SIPA1L1: variants seen among roughly 807,000 people sequenced by gnomAD.
The protein encoded by SIPA1L1 is signal-induced proliferation-associated 1-like protein 1.
In SIPA1L1, 26 loss-of-function variants were observed where a neutral mutation model predicts 162.7. The ratio of observed to expected loss-of-function variants is 0.16; its 90% confidence interval spans 0.12 to 0.22. The LOEUF is 0.22. Ranked by LOEUF, SIPA1L1 falls within the 10% of genes least tolerant of loss-of-function variation. SIPA1L1 has a pLI of 1.00. For synonymous variants in SIPA1L1, 829 were observed against 837.4 expected, an observed-to-expected ratio of 0.99 and a Z score of 0.17; for missense variants, 1,874 against 2,241.0, an observed-to-expected ratio of 0.84 and a Z score of 3.31.
At chr14:71,673,407 A>G (rs1435972282) in intron 12 of SIPA1L1, among the ~76,000 whole-genome samples, 1 of 152,186 alleles carries the variant, frequency 6.6e-6, no homozygotes, top group East Asian at 1.9e-4. Context: ...ATTTCTCTTA[A>G]GCTTTGGCAA....
intron 10 of SIPA1L1, among the ~76,000 whole-genome samples, chr14:71,670,885 G>C (rs1399900084): frequency 1.3e-5 from 2 of 152,122 alleles, no homozygotes; most frequent in Non-Finnish European, 2.9e-5. Context: ...TAGCTTTTGG[G>C]ATTTTGGGAG....
chr14:71,441,507 T>G (rs1416430095), intron 2 of SIPA1L1, among the ~76,000 whole-genome samples: 1 of 152,246 alleles, frequency 6.6e-6, no homozygotes, highest in African/African-American at 2.4e-5. Context: ...GGTTATACTT[T>G]TATGCTTCTT....
chr14:71,499,940 A>G (rs573522131), intron 2 of SIPA1L1, among the ~76,000 whole-genome samples: 3 of 152,360 alleles, frequency 2.0e-5, no homozygotes, highest in East Asian at 3.9e-4. Flanking sequence ...TTTCACTAAA[A>G]TAAGCCCTAA....
intron 2 of SIPA1L1, among the ~76,000 whole-genome samples, chr14:71,332,288 A>G (rs1332930355): frequency 6.6e-6 from 1 of 152,138 alleles, no homozygotes; most frequent in African/African-American, 2.4e-5. Flanking sequence ...AACAGGATAC[A>G]TGGTTCCTGT....
intron 2 of SIPA1L1, among the ~76,000 whole-genome samples, chr14:71,487,120 G>A (rs1315914715): frequency 1.3e-5 from 2 of 152,168 alleles, no homozygotes; most frequent in East Asian, 1.9e-4. Context: ...TGCATGAAAA[G>A]TTCTGCTTAC....
chr14:71,642,568 T>G (rs2041822253), intron 7 of SIPA1L1, among the ~76,000 whole-genome samples: 1 of 152,184 alleles, frequency 6.6e-6, no homozygotes. Flanking sequence ...CTCAAACTCT[T>G]GCCAAGTAAT....
Position 71,440,583 on chromosome 14 carries a change from A to G in SIPA1L1, c.-464-72160A>G, listed in dbSNP as rs1283631133. Among the ~76,000 whole-genome samples, 9 of 126,654 alleles carry G rather than the reference A, an allele frequency of 7.1e-5. No individual in the cohort carries two copies. In the Admixed American group the frequency reaches 9.1e-4, roughly 13 times the overall value. The allele number at this position is 126,654 out of a possible 152,430, so 83.1% of individuals were successfully genotyped here. A position where few individuals can be genotyped will look rare whatever the true frequency, so the allele number is the denominator to read the frequency against. On this transcript the variant is annotated intron_variant, in intron 2 of 23. Transcript: ENST00000381232. ...AGGATAGCTTGAGCCTGGGAGGTCGAGGCTGCAGTGAGCTGAGATCACACC... is the reference window on the plus strand; with the variant it reads ...AGGATAGCTTGAGCCTGGGAGGTCGGGGCTGCAGTGAGCTGAGATCACACC...
At chr14:71,329,895 G>A (rs1005885132) in intron 2 of SIPA1L1, among the ~76,000 whole-genome samples, 4 of 152,108 alleles carry the variant, frequency 2.6e-5, no homozygotes, top group African/African-American at 9.7e-5. Flanking sequence ...GAGGCTAGGA[G>A]GAGGAAGGGG....
chr14:71,699,107 G>A lies in SIPA1L1; in HGVS notation c.3501G>A (p.Arg1167=), dbSNP rs1222515297. Residue 1167 remains arginine, a synonymous_variant, in exon 14 of 24, where the codon AGG becomes AGA. Coordinates refer to ENST00000381232, the MANE Select transcript of SIPA1L1 (RefSeq NM_001386936.1). The part of the protein sequence containing the change: ...SDTGSVGGTY[R]QKSMPEGFGV... ...CTGGTTCTGTGGGGGGCACTTACAG[G>A]CAGAAGTCCATGCCCGAAGGGTAGT... The A allele has an allele frequency of 6.2e-7, 1 of 1,614,178 alleles. No homozygotes were observed. The highest frequency in any genetic ancestry group is 8.5e-7 in the Non-Finnish European group (1 of 1,180,008).
chr14:71,658,273 C>T, intron 8 of SIPA1L1, 60 bp from the exon 9 acceptor site: 1 of 843,664 alleles, frequency 1.2e-6, no homozygotes, highest in Non-Finnish European at 1.9e-6. Context: ...AGATATTTCT[C>T]TTAAATAAAT....
intron 19 of SIPA1L1, among the ~76,000 whole-genome samples, chr14:71,725,130 G>A (rs1319866300): frequency 6.6e-6 from 1 of 152,196 alleles, no homozygotes; most frequent in Non-Finnish European, 1.5e-5. Context: ...TCACTTAGGT[G>A]ATATGACTTC....
At chr14:71,724,128 A>C (rs1471826600) in intron 18 of SIPA1L1, among the ~76,000 whole-genome samples, 1 of 152,192 alleles carries the variant, frequency 6.6e-6, no homozygotes, top group East Asian at 1.9e-4. Context: ...TCTTGAAAAG[A>C]GTGTGTTTGA....
At chr14:71,355,676 C>A (rs2037170976) in intron 2 of SIPA1L1, among the ~76,000 whole-genome samples, 1 of 152,196 alleles carries the variant, frequency 6.6e-6, no homozygotes, top group African/African-American at 2.4e-5. Context: ...AAACCATTTT[C>A]TTCTCCTTGC....
chr14:71,601,815 G>T (rs925132780), intron 5 of SIPA1L1, among the ~76,000 whole-genome samples: 6 of 151,978 alleles, frequency 3.9e-5, no homozygotes, highest in African/African-American at 1.4e-4. Context: ...ATCTTGATAG[G>T]TTGTATGTGT....
chr14:71,733,604 T>C, intron 20 of SIPA1L1, 62 bp from the exon 21 acceptor site: 1 of 1,531,288 alleles, frequency 6.5e-7, no homozygotes, highest in Non-Finnish European at 8.9e-7. Context: ...AGGAAAGAGG[T>C]AAGTTTTGAG....
chr14:71,504,854 G>A (rs1009577162), intron 2 of SIPA1L1, among the ~76,000 whole-genome samples: 31 of 152,116 alleles, frequency 2.0e-4, no homozygotes, highest in African/African-American at 7.2e-4. Flanking sequence ...TTTGAACTCT[G>A]GCTTTTTGCT....
At chr14:71,468,567 T>C (rs1233374623) in intron 2 of SIPA1L1, among the ~76,000 whole-genome samples, 1 of 152,142 alleles carries the variant, frequency 6.6e-6, no homozygotes, top group Non-Finnish European at 1.5e-5. Flanking sequence ...AAGCCACTCA[T>C]GGGTTTTAAG....
chr14:71,413,046 C>T (rs752087740), intron 2 of SIPA1L1, among the ~76,000 whole-genome samples: 10 of 152,136 alleles, frequency 6.6e-5, no homozygotes, highest in Non-Finnish European at 1.5e-4. Context: ...CCAGTATTTT[C>T]GCTTTAGGCA....
At chr14:71,398,876 A>G (rs1192691334) in intron 2 of SIPA1L1, among the ~76,000 whole-genome samples, 1 of 152,250 alleles carries the variant, frequency 6.6e-6, no homozygotes, top group South Asian at 2.1e-4. Context: ...CAAGATCATC[A>G]TGATCTTTGG....
Sources: gnomAD v4.1 joint callset for allele counts (sites outside exome capture counted in the v4.1 genomes callset) on GRCh38, gnomAD v4.1.1 for gene constraint, MANE v1.5 for transcripts, NCBI Gene and HGNC (gene_info 2026-07-23, HGNC 2026-07-21) for gene names.